Variants in ADGRE3 observed in about 807,000 individuals in gnomAD.
ADGRE3 encodes the protein adhesion G protein-coupled receptor E3, also known as EGF-like module receptor 3.
A neutral mutation model predicts 80.1 loss-of-function variants in ADGRE3; 88 were observed. That is an observed-to-expected ratio of 1.10 (90% CI 0.93 to 1.31). The LOEUF is 1.31. Ranked by LOEUF, ADGRE3 falls within the 40% of genes most tolerant of loss-of-function variation. ADGRE3 has a pLI of 0.00. For missense variants in ADGRE3, 715 were observed against 776.5 expected, an observed-to-expected ratio of 0.92 and a Z score of 0.94; for synonymous variants, 281 against 294.8, an observed-to-expected ratio of 0.95 and a Z score of 0.48.
At chr19:14,665,486 T>C (rs947455780) in intron 2 of ADGRE3, among the ~76,000 whole-genome samples, 8 of 151,884 alleles carry the variant, frequency 5.3e-5, no homozygotes, top group Admixed American at 4.6e-4. Flanking sequence ...TTGGATTTTG[T>C]TTTATTTTAC....
intron 11 of ADGRE3, among the ~76,000 whole-genome samples, chr19:14,636,503 G>A (rs1213395962): frequency 1.3e-5 from 2 of 151,822 alleles, no homozygotes; most frequent in Admixed American, 6.6e-5. Context: ...CACCGTGCCC[G>A]ACCTTAAAGC....
At chr19:14,645,573 C>T (rs1294367024) in intron 8 of ADGRE3, among the ~76,000 whole-genome samples, 1 of 151,688 alleles carries the variant, frequency 6.6e-6, no homozygotes, top group Admixed American at 6.6e-5. Flanking sequence ...GCAGGAGAAT[C>T]GCTTGGGCCT....
rs1352350274 is a variant in ADGRE3 at position 14,647,354 on chromosome 19, T to C, written c.709A>G (p.Ile237Val). ...AGAGAAGAATATGAGATAAAGGCAA[T>C]GGCACTGGGACCTGAGGAAACAGAA... ...IQGDTQGPSAIAFISYSSLGN... is the reference protein window; with the variant it reads ...IQGDTQGPSAVAFISYSSLGN... The change falls in exon 8 of 16, where the codon ATT becomes GTT. Residue 237 changes from isoleucine (I) to valine (V), a missense_variant. Coordinates refer to ENST00000253673, the MANE Select transcript of ADGRE3 (RefSeq NM_032571.5). 1 of 1,607,292 alleles carries C rather than the reference T, an allele frequency of 6.2e-7. No homozygotes were observed.
At chr19:14,620,457 A>ACT (rs1970520986) in intron 15 of ADGRE3, among the ~76,000 whole-genome samples, 1 of 136,134 alleles carries the variant, frequency 7.3e-6, no homozygotes, top group Admixed American at 7.8e-5. Flanking sequence ...TGTATATATG[A>ACT]ATATATGAAT....
rs747730948 is a variant in ADGRE3 at position 14,638,322 on chromosome 19, C to T, written c.1267G>A (p.Ala423Thr). 82 of 1,613,816 alleles carry T rather than the reference C, an allele frequency of 5.1e-5. No individual in the cohort carries two copies. The highest frequency in any genetic ancestry group is 6.1e-5 in the Non-Finnish European group (72 of 1,179,962). ...TEPKVLCSII[A>T]GALHYLYLAA... Reference sequence around the variant, plus strand: ...AGGTAGAGATAGTGCAAAGCACCGGCGATGATGGAGCACAGCACCTGGGGG... The same window carrying T: ...AGGTAGAGATAGTGCAAAGCACCGGTGATGATGGAGCACAGCACCTGGGGG... Residue 423 changes from alanine to threonine, a missense_variant, in exon 11 of 16, where the codon GCC becomes ACC. Ala to Thr is a moderately conservative substitution (Grantham distance 58, BLOSUM62 0). Coordinates refer to ENST00000253673, the MANE Select transcript of ADGRE3 (RefSeq NM_032571.5).
the ADGRE3 span, among the ~76,000 whole-genome samples, chr19:14,609,197 T>C: frequency 6.6e-6 from 1 of 152,134 alleles, no homozygotes; most frequent in Non-Finnish European, 1.5e-5. Context: ...CCAACTCCAC[T>C]GGGGTCAGCT....
At position 14,657,743 on chromosome 19, in the gene ADGRE3, A is replaced by ATTT. The variant is rs368474694; in HGVS notation, c.393+769_393+770insAAA. On this transcript the variant is annotated intron_variant, in intron 5 of 15. Coordinates refer to ENST00000253673, the MANE Select transcript of ADGRE3 (RefSeq NM_032571.5). ...TGCCTATATATACATATATATATATATATTTTTTTGTTTGTTTGTTTGTTT... is the reference window on the plus strand; with the variant it reads ...TGCCTATATATACATATATATATATATTTTATTTTTTTGTTTGTTTGTTTGTTT... Among the ~76,000 whole-genome samples the ATTT allele has an allele frequency of 1.5e-3, 130 of 86,586 alleles. 2 individuals carry two copies. The highest frequency in any genetic ancestry group is 3.4e-3 in the East Asian group (6 of 1,782). 56.8% of individuals were successfully genotyped at this position (86,586 alleles called of 152,430 possible).
the ADGRE3 span, among the ~76,000 whole-genome samples, chr19:14,607,499 G>T: frequency 6.6e-6 from 1 of 150,904 alleles, no homozygotes; most frequent in Admixed American, 6.6e-5. Context: ...CACCGCGCCC[G>T]GCCAGGAGCT....
At chr19:14,624,294 A>G (rs112826302) in intron 15 of ADGRE3, among the ~76,000 whole-genome samples, 6,221 of 152,058 alleles carry the variant, frequency 0.041, 185 homozygotes, top group Admixed American at 0.062. Context: ...GGGTTTCTCC[A>G]TGTTGGTCAG....
chr19:14,647,291 C>T lies in ADGRE3; in HGVS notation c.772G>A (p.Asp258Asn), dbSNP rs780712065. The change falls in exon 8 of 16, where the codon GAT becomes AAT. Residue 258 changes from aspartate (D) to asparagine (N), a missense_variant. By Grantham distance (23) the Asp-to-Asn change is conservative (BLOSUM62 1). Transcript: ENST00000253673. ...TTCAGATACACTTGATCTTTCTTAT[C>T]CATCTCTTCAAAAAAAGTTGCATTT... ...IINATFFEEM[D>N]KKDQVYLNSQ... The T allele has an allele frequency of 6.2e-7, 1 of 1,613,162 alleles. No individual in the cohort carries two copies.
At chr19:14,614,601 G>T (rs1403376973), downstream of ADGRE3, among the ~76,000 whole-genome samples, 1 of 150,714 alleles carries the variant, frequency 6.6e-6, no homozygotes, top group Non-Finnish European at 1.5e-5. Context: ...TTTTTGGGCA[G>T]AGTCTCACTC....
chr19:14,629,264 TG>T (rs1255516713), intron 14 of ADGRE3, among the ~76,000 whole-genome samples: 5 of 152,182 alleles, frequency 3.3e-5, no homozygotes, highest in South Asian at 2.1e-4. Flanking sequence ...ACTGCTTGGG[TG>T]TTTTTTTCCA....
At chr19:14,629,169 C>T (rs925718583) in intron 14 of ADGRE3, among the ~76,000 whole-genome samples, 3 of 152,192 alleles carry the variant, frequency 2.0e-5, no homozygotes, top group Non-Finnish European at 4.4e-5. Flanking sequence ...AGTGATCCCC[C>T]TGTGCTGGCC....
intron 2 of ADGRE3, chr19:14,668,502 C>A (rs1482866567): frequency 2.2e-6 from 1 of 455,372 alleles, no homozygotes; most frequent in Non-Finnish European, 3.9e-6. Context: ...CTTTGTCTCT[C>A]CCCACTAGAA....
the ADGRE3 span, among the ~76,000 whole-genome samples, chr19:14,601,659 C>G: frequency 6.6e-6 from 1 of 152,104 alleles, no homozygotes; most frequent in African/African-American, 2.4e-5. Flanking sequence ...CACTCTGTCA[C>G]TCAAGCTGGA....
intron 15 of ADGRE3, among the ~76,000 whole-genome samples, chr19:14,619,958 A>G (rs538147729): frequency 5.9e-5 from 9 of 152,286 alleles, no homozygotes; most frequent in Middle Eastern, 3.4e-3. Context: ...CCTAGTTATA[A>G]GAGTTGTGGG....
chr19:14,642,371 T>G (rs376711688), intron 9 of ADGRE3, among the ~76,000 whole-genome samples: 15 of 152,278 alleles, frequency 9.9e-5, no homozygotes, highest in East Asian at 9.6e-4. Context: ...TGTCTTTGTA[T>G]GCAGAGGGCT....
intron 5 of ADGRE3, among the ~76,000 whole-genome samples, chr19:14,656,591 C>T (rs1971773172): frequency 6.6e-6 from 1 of 152,078 alleles, no homozygotes; most frequent in Non-Finnish European, 1.5e-5. Context: ...TTGCCCTACC[C>T]ACTTGGCCAG....
In ADGRE3 at chr19:14,633,243, A is replaced by G. The variant is rs376096757; in HGVS notation, c.1544T>C (p.Ile515Thr). The stretch of plus-strand genomic sequence containing the variant: ...TCGAAGGCACATACTCACAGAGAAA[A>G]TGGCACAGACTGGGCCAAGGAAACT... ...MWSFLGPVCA[I>T]FSANLVLFIL... The change falls in exon 12 of 16, where the codon ATT becomes ACT. Residue 515 changes from isoleucine to threonine, a missense_variant. By Grantham distance (89) the Ile-to-Thr change is moderately conservative. Coordinates refer to ENST00000253673, the MANE Select transcript of ADGRE3 (RefSeq NM_032571.5). 166 of 1,612,616 alleles carry G rather than the reference A, an allele frequency of 1.0e-4. No homozygotes were observed. Among genetic ancestry groups the G allele is most frequent in the Admixed American group, 1.7e-4 (10 of 59,816 alleles).
Sources: allele counts gnomAD v4.1 joint callset (sites outside exome capture counted in the v4.1 genomes callset), GRCh38; gene constraint gnomAD v4.1.1; transcripts MANE v1.5; gene names NCBI Gene and HGNC (gene_info 2026-07-23, HGNC 2026-07-21).